Variants in CNTRL observed in about 807,000 individuals in gnomAD.
CNTRL encodes the protein centriolin.
A neutral mutation model predicts 303.7 loss-of-function variants in CNTRL; 233 were observed. That is an observed-to-expected ratio of 0.77 (90% CI 0.69 to 0.86). CNTRL has a LOEUF of 0.86. Among genes scored for constraint, CNTRL ranks in the 40% least tolerant of loss-of-function variants. CNTRL has a pLI of 0.00. For missense variants in CNTRL, 2,524 were observed against 2,650.6 expected, an observed-to-expected ratio of 0.95 and a Z score of 1.05; for synonymous variants, 900 against 922.2, an observed-to-expected ratio of 0.98 and a Z score of 0.44.
chr9:121,125,965 T>C (rs2050499055), intron 14 of CNTRL, 29 bp downstream of exon 14: 2 of 1,564,676 alleles, frequency 1.3e-6, no homozygotes, highest in Non-Finnish European at 1.8e-6. Context: ...CTATTTTCCG[T>C]AGCTTCATAA....
rs371013564 is a variant in CNTRL at position 121,150,371 on chromosome 9, G to T, written c.3851G>T (p.Gly1284Val). 1.5e-5 allele frequency: 24 copies of T among 1,614,064 alleles called. No homozygotes were observed. Among genetic ancestry groups the T allele is most frequent in the Non-Finnish European group, 2.0e-5 (24 of 1,179,996 alleles). The change falls in exon 25 of 44, where the codon GGC becomes GTC. Residue 1284 changes from glycine to valine, a missense_variant. Gly to Val is a moderately radical substitution (Grantham distance 109). Transcript: ENST00000373855. ...CTCACCCCTGGCACTGTTGTTTATG[G>T]CCCACCTCCTGCTGGGGCCCCCATG... ...RPLTPGTVVY[G>V]PPPAGAPMVY...
intron 25 of CNTRL, among the ~76,000 whole-genome samples, chr9:121,150,932 C>T (rs893131096): frequency 4.6e-5 from 7 of 152,182 alleles, no homozygotes; most frequent in African/African-American, 1.7e-4. Context: ...TATTCACTTA[C>T]TAGTGCCTGT....
At chr9:121,166,745 G>T (rs2053106773) in intron 36 of CNTRL, among the ~76,000 whole-genome samples, 1 of 152,194 alleles carries the variant, frequency 6.6e-6, no homozygotes, top group Non-Finnish European at 1.5e-5. Context: ...AGTTATGCCA[G>T]GTGCAGTGGC....
At chr9:121,086,415 A>G (rs188244443) in intron 2 of CNTRL, among the ~76,000 whole-genome samples, 2 of 152,336 alleles carry the variant, frequency 1.3e-5, no homozygotes, top group Non-Finnish European at 2.9e-5. Flanking sequence ...TTCCTGAAGA[A>G]GCAACAGTTG....
intron 8 of CNTRL, among the ~76,000 whole-genome samples, chr9:121,111,472 G>A (rs1032829559): frequency 3.3e-5 from 5 of 152,024 alleles, no homozygotes; most frequent in African/African-American, 1.2e-4. Flanking sequence ...AATCATGCAC[G>A]ACTTTGATTT....
At chr9:121,098,722 G>A in intron 7 of CNTRL, 150 bp downstream of exon 7, 1 of 603,428 alleles carries the variant, frequency 1.7e-6, no homozygotes, top group Admixed American at 3.3e-5. Context: ...TATTTACTGA[G>A]TGTGTACTGT....
At chr9:121,175,694 T>A (rs1267140443) in intron 43 of CNTRL, among the ~76,000 whole-genome samples, 1 of 152,228 alleles carries the variant, frequency 6.6e-6, no homozygotes, top group Non-Finnish European at 1.5e-5. Context: ...CTGAAAAACT[T>A]GTCTTAGCAA....
At chr9:121,117,308 C>G (rs971924196) in intron 11 of CNTRL, among the ~76,000 whole-genome samples, 1 of 152,294 alleles carries the variant, frequency 6.6e-6, no homozygotes, top group Middle Eastern at 3.4e-3. Context: ...TGGGGAATTA[C>G]ATAATAATCG....
chr9:121,158,136 C>T, intron 30 of CNTRL, 27 bp downstream of exon 30: 2 of 1,610,766 alleles, frequency 1.2e-6, no homozygotes. Context: ...CTTGAAAAAA[C>T]AACTGACACA....
At chr9:121,175,625 G>A (rs1564312477) in intron 43 of CNTRL, among the ~76,000 whole-genome samples, 2 of 152,204 alleles carry the variant, frequency 1.3e-5, no homozygotes, top group Admixed American at 6.5e-5. Context: ...CTTAAAAGCC[G>A]TGGGGTGTAT....
intron 34 of CNTRL, among the ~76,000 whole-genome samples, chr9:121,163,409 T>C (rs911743572): frequency 6.6e-6 from 1 of 151,150 alleles, no homozygotes; most frequent in African/African-American, 2.4e-5. Flanking sequence ...ATAAAACTTC[T>C]AGAAGAAAAC....
intron 34 of CNTRL, 126 bp downstream of exon 34, chr9:121,162,397 A>T: frequency 1.3e-6 from 1 of 761,820 alleles, no homozygotes; most frequent in East Asian, 2.7e-5. Context: ...ATCATAATAC[A>T]TTTTGCCAGT....
chr9:121,172,590 A>G (rs1455487787), intron 40 of CNTRL, among the ~76,000 whole-genome samples: 1 of 152,132 alleles, frequency 6.6e-6, no homozygotes, highest in African/African-American at 2.4e-5. Flanking sequence ...GCAGTGAGCC[A>G]AGATTGTGCC....
chr9:121,079,048 C>T (rs991439619), intron 1 of CNTRL, among the ~76,000 whole-genome samples: 4 of 152,134 alleles, frequency 2.6e-5, no homozygotes, highest in Admixed American at 6.5e-5. Context: ...TTTCTAGTGA[C>T]CAGCCACGAT....
At position 121,098,465 on chromosome 9, in the gene CNTRL, C is replaced by G. The variant is rs1315511321; in HGVS notation, c.701C>G (p.Pro234Arg). ...ILVENPVVTL[P>R]HYLQFTIFHL... ...GTTGAAAATCCAGTTGTGACCCTTC[C>G]TCATTACCTCCAGTTTACCATTTTC... Residue 234 changes from proline to arginine, a missense_variant, in exon 7 of 44, where the codon CCT becomes CGT. Transcript: ENST00000373855. The G allele has an allele frequency of 2.5e-6, 4 of 1,613,762 alleles. No homozygotes were observed. Among genetic ancestry groups the G allele is most frequent in the Non-Finnish European group, 3.4e-6 (4 of 1,179,704 alleles).
At chr9:121,136,470 T>C (rs1371176005) in intron 15 of CNTRL, among the ~76,000 whole-genome samples, 3 of 152,050 alleles carry the variant, frequency 2.0e-5, no homozygotes, top group African/African-American at 7.2e-5. Flanking sequence ...CCACCATGCC[T>C]GGCCAATTTT....
chr9:121,145,476 C>A, intron 22 of CNTRL, 91 bp downstream of exon 22: 1 of 1,274,412 alleles, frequency 7.8e-7, no homozygotes, highest in South Asian at 1.6e-5. Flanking sequence ...TGTTACAAAT[C>A]AAGTCCATGC....
chr9:121,086,225 C>A (rs1253919526), intron 2 of CNTRL, among the ~76,000 whole-genome samples: 1 of 152,076 alleles, frequency 6.6e-6, no homozygotes, highest in African/African-American at 2.4e-5. Context: ...ATGCTAGACT[C>A]GGGAGACAGT....
At chr9:121,079,179 A>T (rs2048044847) in intron 1 of CNTRL, among the ~76,000 whole-genome samples, 1 of 152,182 alleles carries the variant, frequency 6.6e-6, no homozygotes, top group Non-Finnish European at 1.5e-5. Context: ...TTACTAAAAG[A>T]CTTTTTTCCA....
Sources: gnomAD v4.1 joint callset for allele counts (sites outside exome capture counted in the v4.1 genomes callset) on GRCh38, gnomAD v4.1.1 for gene constraint, MANE v1.5 for transcripts, NCBI Gene and HGNC (gene_info 2026-07-23, HGNC 2026-07-21) for gene names.